The following ZC3H13 variants were observed in gnomAD, a reference collection of about 807,000 sequenced individuals.
ZC3H13 encodes zinc finger CCCH-type containing 13, also known as zinc finger CCCH domain-containing protein 13.
ZC3H13 carries 64 observed loss-of-function variants against 204.1 expected under a neutral mutation model. That is an observed-to-expected ratio of 0.31 (90% CI 0.26 to 0.39). The LOEUF is 0.39. Among genes scored for constraint, ZC3H13 ranks in the 10% least tolerant of loss-of-function variants. The probability of loss-of-function intolerance (pLI) is 1.00; values close to 1 mark genes in which losing one functional copy is unlikely to be tolerated. For synonymous variants in ZC3H13, 667 were observed against 693.7 expected (o/e 0.96, Z 0.60); for missense variants, 1,833 against 2,082.7 (o/e 0.88, Z 2.33).
rs759316229 is a variant in ZC3H13, at chr13:45,967,635, T to C, written c.4190A>G (p.Glu1397Gly). ...AGTGCTTTCTAGATCCCTTTCATGT[T>C]CACCTTCCAGTTTTGCTTCACAGCG... ...VKRCEAKLEG[E>G]HERDLESTSR... The change falls in exon 15 of 19, where the codon GAA becomes GGA. Residue 1397 changes from glutamate (E) to glycine (G), a missense_variant. Glu to Gly is a moderately conservative substitution (Grantham distance 98). Coordinates refer to ENST00000679008, the MANE Select transcript of ZC3H13 (RefSeq NM_001330564.2). The C allele has an allele frequency of 6.2e-7, 1 of 1,614,180 alleles. No homozygotes were observed. Among genetic ancestry groups the C allele is most frequent in the South Asian group, 1.1e-5 (1 of 91,088 alleles).
intron 8 of ZC3H13, among the ~76,000 whole-genome samples, chr13:45,992,368 T>C (rs1342313103): frequency 6.6e-6 from 1 of 152,194 alleles, no homozygotes; most frequent in Non-Finnish European, 1.5e-5. Flanking sequence ...ACATTAATAA[T>C]AGCAAGTAAC....
chr13:45,988,118 T>C (rs1334050356), intron 9 of ZC3H13, among the ~76,000 whole-genome samples: 1 of 152,214 alleles, frequency 6.6e-6, no homozygotes, highest in Non-Finnish European at 1.5e-5. Context: ...GCTCTCTGAT[T>C]TGTTGCTTTT....
chr13:46,020,322 G>T, intron 5 of ZC3H13, 127 bp downstream of exon 5: 1 of 742,478 alleles, frequency 1.3e-6, no homozygotes. Context: ...CAGTAAGATA[G>T]AAATATGTCA....
At chr13:46,044,355 C>A (rs2043798643) in intron 3 of ZC3H13, among the ~76,000 whole-genome samples, 1 of 151,804 alleles carries the variant, frequency 6.6e-6, no homozygotes, top group Non-Finnish European at 1.5e-5. Flanking sequence ...ATAAAATAAT[C>A]ATCATGAGGG....
At chr13:45,982,484 A>G (rs574183131) in intron 10 of ZC3H13, among the ~76,000 whole-genome samples, 2 of 152,310 alleles carry the variant, frequency 1.3e-5, no homozygotes, top group South Asian at 2.1e-4. Context: ...GTCTAAAACT[A>G]TATGTTGTTT....
chr13:45,958,648 G>GTTTCTTTTTT lies in ZC3H13; in HGVS notation c.4839+834_4839+835insAAAAAAGAAA, dbSNP rs1413203609. Among the ~76,000 whole-genome samples, 4 of 123,704 alleles carry GTTTCTTTTTT rather than the reference G, an allele frequency of 3.2e-5. 1 individual carries two copies. Among genetic ancestry groups the GTTTCTTTTTT allele is most frequent in the Admixed American group, 8.9e-5 (1 of 11,228 alleles). The allele number at this position is 123,704 out of a possible 152,430, so 81.2% of individuals were successfully genotyped here. ...CTCACCACCCCAAATAAAAATCCCA[G>GTTTCTTTTTT]TTTTTTTTTTTTTTTTTTTTTTTTT... On this transcript the variant is annotated intron_variant, in intron 18 of 18. Transcript: ENST00000679008.
chr13:45,956,971 T>C lies in ZC3H13; in HGVS notation c.*156A>G, dbSNP rs1453455758. 3 of 617,898 alleles carry C rather than the reference T, an allele frequency of 4.9e-6. No homozygotes were observed. In the South Asian group the frequency reaches 2.2e-4, roughly 46 times the overall value. 38.3% of individuals were successfully genotyped at this position (617,898 alleles called of 1,614,324 possible). A position where few individuals can be genotyped will look rare whatever the true frequency, so the allele number is the denominator to read the frequency against. ...CGTAAAATCTTAAGTTGGCCAAAAC[T>C]AGTGTCTCTAAAGATCAAAATTCTT... On this transcript the variant is annotated 3_prime_UTR_variant, in exon 19 of 19. Coordinates refer to ENST00000679008, the MANE Select transcript of ZC3H13 (RefSeq NM_001330564.2).
intron 6 of ZC3H13, among the ~76,000 whole-genome samples, chr13:46,010,830 T>C (rs968667135): frequency 1.3e-5 from 2 of 151,708 alleles, no homozygotes; most frequent in African/African-American, 2.4e-5. Flanking sequence ...AGTTCAAGGC[T>C]GCAGTGAGTG....
intron 9 of ZC3H13, among the ~76,000 whole-genome samples, 170 bp downstream of exon 9, chr13:45,988,617 A>C (rs1440880414): frequency 6.6e-6 from 1 of 152,198 alleles, no homozygotes; most frequent in Non-Finnish European, 1.5e-5. Flanking sequence ...ACTTGTATAC[A>C]CCTAACAGCT....
chr13:45,960,549 C>T (rs1331238371), intron 17 of ZC3H13, among the ~76,000 whole-genome samples: 1 of 152,000 alleles, frequency 6.6e-6, no homozygotes, highest in African/African-American at 2.4e-5. Flanking sequence ...AGTTTTAAGT[C>T]ACAACATGCA....
intron 8 of ZC3H13, among the ~76,000 whole-genome samples, chr13:46,001,707 C>T (rs1205033760): frequency 6.6e-6 from 1 of 151,602 alleles, no homozygotes; most frequent in African/African-American, 2.4e-5. Context: ...AGTCAAAATA[C>T]CAAAATAAAA....
At chr13:45,979,005 T>C (rs983329848) in intron 11 of ZC3H13, among the ~76,000 whole-genome samples, 1 of 152,084 alleles carries the variant, frequency 6.6e-6, no homozygotes, top group Non-Finnish European at 1.5e-5. Flanking sequence ...GATATAATAT[T>C]ACCTCTTTGA....
intron 8 of ZC3H13, among the ~76,000 whole-genome samples, chr13:45,994,650 C>G (rs1368224942): frequency 6.6e-6 from 1 of 152,042 alleles, no homozygotes; most frequent in African/African-American, 2.4e-5. Context: ...TTTTAAGCTC[C>G]CAGAGTAAGA....
chr13:46,039,543 G>T (rs1337535718), intron 4 of ZC3H13, among the ~76,000 whole-genome samples: 1 of 152,124 alleles, frequency 6.6e-6, no homozygotes, highest in East Asian at 1.9e-4. Context: ...AAAGTAATAT[G>T]CTCTAAATAT....
Position 45,970,358 on chromosome 13 carries a change from T to C in ZC3H13, c.2572+4A>G, listed in dbSNP as rs1952483367. ...TAGAGAGACAGAAAACAGAGTCTGC[T>C]TACTTTTATCATCTCCACTGTTGTA... On this transcript the variant is annotated splice_donor_region_variant and intron_variant, in intron 13 of 18. Transcript: ENST00000679008. The C allele has an allele frequency of 6.2e-7, 1 of 1,613,136 alleles. No homozygotes were observed. The highest frequency in any genetic ancestry group is 1.1e-5 in the South Asian group (1 of 91,040).
rs1951526236 is a variant in ZC3H13, at chr13:45,959,563, TAAG to T, written c.4756_4758del (p.Leu1586del). On this transcript the variant is annotated inframe_deletion, in exon 18 of 19. Coordinates refer to ENST00000679008, the MANE Select transcript of ZC3H13 (RefSeq NM_001330564.2). Reference sequence around the variant, plus strand: ...GCCTTACAACATGGGCCAAGATTACTAAGAAGACTTGCTCTTTCTTCTTTTCGT... The same window carrying T: ...GCCTTACAACATGGGCCAAGATTACTAAGACTTGCTCTTTCTTCTTTTCGT... 2.6e-6 allele frequency: 4 copies of T among 1,549,576 alleles called. No individual in the cohort carries two copies. The highest frequency in any genetic ancestry group is 1.2e-5 in the South Asian group (1 of 83,942).
intron 9 of ZC3H13, among the ~76,000 whole-genome samples, chr13:45,986,338 G>A (rs887280593): frequency 6.6e-6 from 1 of 152,182 alleles, no homozygotes; most frequent in Non-Finnish European, 1.5e-5. Flanking sequence ...TGTACCTACA[G>A]TGCCAGCTAC....
In ZC3H13 at chr13:45,975,396, T is replaced by G; in HGVS notation, c.2355A>C (p.Glu785Asp). 1 of 1,614,104 alleles carries G rather than the reference T, an allele frequency of 6.2e-7. No homozygotes were observed. The highest frequency in any genetic ancestry group is 1.7e-5 in the Admixed American group (1 of 60,000). Residue 785 changes from glutamate (E) to aspartate (D), a missense_variant, in exon 12 of 19, where the codon GAA becomes GAC. Physicochemically the swap from Glu to Asp is conservative, Grantham distance 45. Coordinates refer to ENST00000679008, the MANE Select transcript of ZC3H13 (RefSeq NM_001330564.2). ...ERARERDKER[E>D]RQRDWEDKDK... The stretch of plus-strand genomic sequence containing the variant: ...CTTTGTCTTCCCAATCCCTTTGGCG[T>G]TCTCGTTCTTTATCCCTTTCTCTCG...
intron 4 of ZC3H13, among the ~76,000 whole-genome samples, chr13:46,034,588 G>C (rs1232829088): frequency 5.3e-5 from 8 of 152,132 alleles, no homozygotes; most frequent in Non-Finnish European, 1.2e-4. Flanking sequence ...GAGTTTGGGA[G>C]GCGACTGATG....
Sources: allele counts gnomAD v4.1 joint callset (sites outside exome capture counted in the v4.1 genomes callset), GRCh38; gene constraint gnomAD v4.1.1; transcripts MANE v1.5; gene names NCBI Gene and HGNC (gene_info 2026-07-23, HGNC 2026-07-21).